WDR27: variants seen among roughly 807,000 people sequenced by gnomAD.
The protein encoded by WDR27 is WD repeat domain 27.
A neutral mutation model predicts 114.4 loss-of-function variants in WDR27; 100 were observed. That is an observed-to-expected ratio of 0.87 (90% CI 0.74 to 1.03). WDR27 has a LOEUF of 1.03. Ranked by LOEUF, WDR27 falls within the 50% of genes least tolerant of loss-of-function variation. The pLI is 0.00. For missense variants in WDR27, 1,129 were observed against 1,092.9 expected, an observed-to-expected ratio of 1.03 and a Z score of -0.47; for synonymous variants, 449 against 423.1, an observed-to-expected ratio of 1.06 and a Z score of -0.75.
At chr6:169,575,080 T>C (rs1802030471) in intron 24 of WDR27, among the ~76,000 whole-genome samples, 1 of 152,024 alleles carries the variant, frequency 6.6e-6, no homozygotes, top group Non-Finnish European at 1.5e-5. Context: ...TCTCAGGCCT[T>C]TGGACTCAGG....
At chr6:169,489,566 G>A (rs150355454) in intron 25 of WDR27, among the ~76,000 whole-genome samples, 60 of 152,144 alleles carry the variant, frequency 3.9e-4, no homozygotes, top group Middle Eastern at 3.4e-3. Context: ...AGCATTGCAC[G>A]TCTCTGTGAA....
intron 25 of WDR27, among the ~76,000 whole-genome samples, chr6:169,491,856 CAT>C (rs1284049499): frequency 6.6e-6 from 1 of 152,078 alleles, no homozygotes; most frequent in African/African-American, 2.4e-5. Flanking sequence ...AAATTCCTCA[CAT>C]GAGGTCCCAA....
intron 25 of WDR27, among the ~76,000 whole-genome samples, chr6:169,521,804 GACAAAAAATTAAAA>G (rs1794420099): frequency 6.6e-6 from 1 of 151,684 alleles, no homozygotes; most frequent in African/African-American, 2.4e-5. Context: ...ATAAAAGAGT[GACAAAAAATTAAAA>G]GCAACAAATT....
At chr6:169,481,310 T>C (rs1026571094) in intron 25 of WDR27, among the ~76,000 whole-genome samples, 80 of 152,264 alleles carry the variant, frequency 5.3e-4, no homozygotes, top group African/African-American at 1.9e-3. Flanking sequence ...ACCAATCAGC[T>C]CTCTGTAAAA....
At chr6:169,448,304 C>A in the WDR27 span, among the ~76,000 whole-genome samples, 121 of 151,720 alleles carry the variant, frequency 8.0e-4, no homozygotes, top group African/African-American at 2.8e-3. Context: ...TTATCACCAC[C>A]ATTTGGGACA....
intron 25 of WDR27, among the ~76,000 whole-genome samples, chr6:169,523,513 C>T (rs910417842): frequency 2.0e-5 from 3 of 151,970 alleles, no homozygotes; most frequent in Admixed American, 6.6e-5. Flanking sequence ...CTAATATCCA[C>T]GATGAATATA....
intron 2 of WDR27, among the ~76,000 whole-genome samples, chr6:169,685,493 G>A: frequency 6.6e-6 from 1 of 151,926 alleles, no homozygotes. Flanking sequence ...ATTCAACAAA[G>A]AAATAGGTAT....
intron 25 of WDR27, among the ~76,000 whole-genome samples, chr6:169,499,549 C>T (rs538685562): frequency 6.6e-6 from 1 of 152,320 alleles, no homozygotes; most frequent in East Asian, 1.9e-4. Context: ...GTCACTATCA[C>T]CTGCACCATC....
intron 21 of WDR27, among the ~76,000 whole-genome samples, chr6:169,628,361 T>C (rs1326257387): frequency 2.0e-5 from 3 of 152,204 alleles, no homozygotes; most frequent in Non-Finnish European, 4.4e-5. Context: ...CCCAACAGAC[T>C]GAGACTCCAC....
chr6:169,479,913 C>CG (rs1787721590), intron 25 of WDR27, among the ~76,000 whole-genome samples: 2 of 152,204 alleles, frequency 1.3e-5, no homozygotes, highest in Admixed American at 6.5e-5. Context: ...GGCACCTCCT[C>CG]GGCTTCGGCA....
At chr6:169,575,249 T>C (rs955960674) in intron 24 of WDR27, among the ~76,000 whole-genome samples, 18 of 143,598 alleles carry the variant, frequency 1.3e-4, no homozygotes, top group Non-Finnish European at 2.0e-4. Context: ...TATCCATCCA[T>C]CCATCCCTCC....
intron 21 of WDR27, among the ~76,000 whole-genome samples, chr6:169,630,232 C>T (rs1244709284): frequency 6.6e-6 from 1 of 152,208 alleles, no homozygotes; most frequent in Admixed American, 6.5e-5. Context: ...ACTTGTCAAA[C>T]TTTAACCTCT....
chr6:169,614,129 T>C (rs1035922311), intron 21 of WDR27, among the ~76,000 whole-genome samples: 16 of 152,190 alleles, frequency 1.1e-4, no homozygotes, highest in African/African-American at 3.6e-4. Context: ...GTCCCGGCCC[T>C]GACTCTGACT....
At chr6:169,580,244 A>T (rs1166939902) in intron 24 of WDR27, among the ~76,000 whole-genome samples, 1 of 152,264 alleles carries the variant, frequency 6.6e-6, no homozygotes, top group African/African-American at 2.4e-5. Context: ...GCTAAATGGA[A>T]TCACGTATTA....
intron 1 of WDR27, among the ~76,000 whole-genome samples, chr6:169,700,606 T>C (rs1216056818): frequency 6.6e-6 from 1 of 152,182 alleles, no homozygotes; most frequent in Non-Finnish European, 1.5e-5. Context: ...CATGGAAGAA[T>C]TTTAGGCTGC....
chr6:169,662,337 T>C lies in WDR27; in HGVS notation c.992A>G (p.Asp331Gly), dbSNP rs752589178. Reference protein sequence around the residue: ...TFPVLRLAPCDLSLIPNSACG... With the variant: ...TFPVLRLAPCGLSLIPNSACG... The stretch of plus-strand genomic sequence containing the variant: ...TGCAGAATTTGGGATGAGTGAGAGA[T>C]CACAGGGTGCAAGTCTCAGTACAGG... The change falls in exon 9 of 26, where the codon GAT becomes GGT. Residue 331 changes from aspartate to glycine, a missense_variant. Physicochemically the swap from Asp to Gly is moderately conservative, Grantham distance 94 (BLOSUM62 -1). Coordinates refer to ENST00000448612, the MANE Select transcript of WDR27 (RefSeq NM_182552.5). 36 of 1,613,862 alleles carry C rather than the reference T, an allele frequency of 2.2e-5. No individual in the cohort carries two copies. Among genetic ancestry groups the C allele is most frequent in the Non-Finnish European group, 3.0e-5 (35 of 1,179,844 alleles).
At chr6:169,528,212 A>C (rs1422346075) in intron 25 of WDR27, among the ~76,000 whole-genome samples, 1 of 152,234 alleles carries the variant, frequency 6.6e-6, no homozygotes, top group Non-Finnish European at 1.5e-5. Flanking sequence ...AGGACTTTTT[A>C]CAATATCACG....
At chr6:169,493,695 A>G (rs1363381150) in intron 25 of WDR27, among the ~76,000 whole-genome samples, 1 of 152,028 alleles carries the variant, frequency 6.6e-6, no homozygotes, top group Non-Finnish European at 1.5e-5. Context: ...CTGAACCCAC[A>G]TTTTTCTGCA....
intron 21 of WDR27, among the ~76,000 whole-genome samples, chr6:169,631,212 T>A (rs1816262499): frequency 6.6e-6 from 1 of 152,198 alleles, no homozygotes; most frequent in South Asian, 2.1e-4. Flanking sequence ...AAGGGATCCC[T>A]TCACTCATCT....
Sources: allele counts gnomAD v4.1 joint callset (sites outside exome capture counted in the v4.1 genomes callset), GRCh38; gene constraint gnomAD v4.1.1; transcripts MANE v1.5; gene names NCBI Gene and HGNC (gene_info 2026-07-23, HGNC 2026-07-21).